EVA1A: variants seen among roughly 807,000 people sequenced by gnomAD.
The protein encoded by EVA1A is protein eva-1 homolog A.
EVA1A carries 7 observed loss-of-function variants against 9.8 expected under a neutral mutation model. The observed-to-expected ratio is 0.71, with a 90% CI of 0.41 to 1.34. The LOEUF (loss-of-function observed/expected upper bound fraction) is 1.34, where lower values mean the gene tolerates loss of function less well. Ranked by LOEUF, EVA1A falls within the 40% of genes most tolerant of loss-of-function variation. EVA1A has a pLI of 0.01. For missense variants in EVA1A, 206 were observed against 205.9 expected (o/e 1.00, Z 0.00); for synonymous variants, 90 against 85.6 (o/e 1.05, Z -0.28).
intron 1 of EVA1A, chr2:75,558,460 C>T (rs916935501): frequency 6.6e-6 from 1 of 151,996 alleles, no homozygotes; most frequent in African/African-American, 2.4e-5. Flanking sequence ...TATGTAAGAC[C>T]AGGGGAGAGA....
At chr2:75,555,336 T>TCTCTCTCTCTCTCTCTCTCTCTCACC (rs766586263) in intron 1 of EVA1A, among the ~76,000 whole-genome samples, 1 of 102,744 alleles carries the variant, frequency 9.7e-6, no homozygotes, top group African/African-American at 3.0e-5. Flanking sequence ...TCTCTCTCTC[T>TCTCTCTCTCTCTCTCTCTCTCTCACC]CCCCCATCTC....
chr2:75,511,141 AG>A (rs1186067788), intron 3 of EVA1A, among the ~76,000 whole-genome samples: 2 of 152,252 alleles, frequency 1.3e-5, no homozygotes, highest in Non-Finnish European at 2.9e-5. Flanking sequence ...AGATTGTCAA[AG>A]TTCAAAAGTT....
intron 1 of EVA1A, among the ~76,000 whole-genome samples, chr2:75,547,951 G>A (rs1285603015): frequency 1.3e-5 from 2 of 152,188 alleles, no homozygotes; most frequent in African/African-American, 4.8e-5. Flanking sequence ...CACCATAGTG[G>A]CAGAGCTGAA....
At chr2:75,529,379 A>C (rs1224190510) in intron 1 of EVA1A, among the ~76,000 whole-genome samples, 1 of 152,246 alleles carries the variant, frequency 6.6e-6, no homozygotes, top group Non-Finnish European at 1.5e-5. Flanking sequence ...TGCTTAAACT[A>C]TACCCTAGAA....
intron 2 of EVA1A, among the ~76,000 whole-genome samples, chr2:75,521,461 A>C (rs1299333532): frequency 1.3e-5 from 2 of 152,222 alleles, no homozygotes; most frequent in Non-Finnish European, 2.9e-5. Context: ...TGGATGAATA[A>C]ATAAAATGTT....
At chr2:75,510,459 A>G (rs1294157349) in intron 3 of EVA1A, among the ~76,000 whole-genome samples, 4 of 152,150 alleles carry the variant, frequency 2.6e-5, no homozygotes, top group Non-Finnish European at 5.9e-5. Context: ...TACCTTCTCA[A>G]ATGCCCAAAT....
chr2:75,508,976 A>C (rs960697900), intron 3 of EVA1A, among the ~76,000 whole-genome samples: 3 of 152,092 alleles, frequency 2.0e-5, no homozygotes, highest in African/African-American at 7.2e-5. Context: ...CTCTACTCTC[A>C]CATGACTTGA....
Position 75,500,658 on chromosome 2 carries a change from T to C in EVA1A, c.86-7049A>G, listed in dbSNP as rs370728027. On this transcript the variant is annotated intron_variant, in intron 3 of 3. Coordinates refer to ENST00000393913, the MANE Select transcript of EVA1A (RefSeq NM_001135032.2). ...AGAATGTACCTCACATCGATCTCAT[T>C]CTCTTTTATCTCAAACAGCAAGTTC... Among the ~76,000 whole-genome samples, 284 of 152,142 alleles carry C rather than the reference T, an allele frequency of 1.9e-3. 6 individuals carry two copies. Among genetic ancestry groups the C allele is most frequent in the African/African-American group, 6.6e-3 (275 of 41,510 alleles).
intron 3 of EVA1A, among the ~76,000 whole-genome samples, chr2:75,499,950 A>T (rs1441988774): frequency 6.6e-6 from 1 of 152,186 alleles, no homozygotes; most frequent in Non-Finnish European, 1.5e-5. Flanking sequence ...GACCTTACAC[A>T]GCCATTTTCT....
chr2:75,498,004 A>G (rs1674275587), intron 3 of EVA1A, among the ~76,000 whole-genome samples: 1 of 152,188 alleles, frequency 6.6e-6, no homozygotes, highest in African/African-American at 2.4e-5. Flanking sequence ...AAATCTTTCT[A>G]CAAAAAAGAT....
At chr2:75,555,300 A>AAT (rs1558693465) in intron 1 of EVA1A, among the ~76,000 whole-genome samples, 3 of 26,632 alleles carry the variant, frequency 1.1e-4, no homozygotes, top group East Asian at 1.2e-3. Context: ...ATCAAAACTC[A>AAT]ATCTCTCTCT....
intron 3 of EVA1A, among the ~76,000 whole-genome samples, chr2:75,509,729 C>T (rs1365310959): frequency 1.3e-5 from 2 of 152,054 alleles, no homozygotes; most frequent in African/African-American, 2.4e-5. Context: ...AAACTCACAC[C>T]TATTTTACAA....
chr2:75,552,329 T>C (rs1265453878), intron 1 of EVA1A, among the ~76,000 whole-genome samples: 1 of 152,148 alleles, frequency 6.6e-6, no homozygotes, highest in Non-Finnish European at 1.5e-5. Context: ...GAGTTCATCA[T>C]CCTTCCTATA....
At chr2:75,539,599 A>G (rs1676038942) in intron 1 of EVA1A, among the ~76,000 whole-genome samples, 1 of 152,206 alleles carries the variant, frequency 6.6e-6, no homozygotes, top group Non-Finnish European at 1.5e-5. Flanking sequence ...ATAGAAATAT[A>G]GGTTACAGCT....
At chr2:75,555,336 T>TCC (rs1553421963) in intron 1 of EVA1A, among the ~76,000 whole-genome samples, 2,821 of 100,064 alleles carry the variant, frequency 0.028, 133 homozygotes, top group Non-Finnish European at 0.047. Context: ...TCTCTCTCTC[T>TCC]CCCCCATCTC....
At chr2:75,536,174 C>CA (rs374103100) in intron 1 of EVA1A, among the ~76,000 whole-genome samples, 1 of 151,948 alleles carries the variant, frequency 6.6e-6, no homozygotes, top group South Asian at 2.1e-4. Flanking sequence ...CCCGTCTCTA[C>CA]AAAAAATACA....
intron 1 of EVA1A, among the ~76,000 whole-genome samples, chr2:75,536,541 A>C (rs573753120): frequency 6.6e-6 from 1 of 152,268 alleles, no homozygotes; most frequent in Admixed American, 6.5e-5. Context: ...AAAATCTATA[A>C]AATTGGCAAA....
chr2:75,550,865 T>C (rs1442971767), intron 1 of EVA1A, among the ~76,000 whole-genome samples: 1 of 152,256 alleles, frequency 6.6e-6, no homozygotes, highest in Non-Finnish European at 1.5e-5. Flanking sequence ...GGCTCACGCC[T>C]GTAATCCCAG....
chr2:75,497,998 C>A (rs1251826857), intron 3 of EVA1A, among the ~76,000 whole-genome samples: 1 of 151,816 alleles, frequency 6.6e-6, no homozygotes, highest in East Asian at 1.9e-4. Context: ...GAAAATAAAT[C>A]TTTCTACAAA....
Sources: allele counts gnomAD v4.1 joint callset (sites outside exome capture counted in the v4.1 genomes callset), GRCh38; gene constraint gnomAD v4.1.1; transcripts MANE v1.5; gene names NCBI Gene and HGNC (gene_info 2026-07-23, HGNC 2026-07-21).